The following CDC14A variants were observed in gnomAD, a reference collection of about 807,000 sequenced individuals.
CDC14A encodes dual specificity protein phosphatase CDC14A.
CDC14A carries 53 observed loss-of-function variants against 74.4 expected under a neutral mutation model. The ratio of observed to expected loss-of-function variants is 0.71; its 90% confidence interval spans 0.57 to 0.89. The LOEUF (loss-of-function observed/expected upper bound fraction) is 0.89. CDC14A is among the 40% of genes least tolerant of loss of function. The pLI is 0.00. For synonymous variants in CDC14A, 247 were observed against 258.4 expected (o/e 0.96, Z 0.43); for missense variants, 646 against 713.7 (o/e 0.91, Z 1.08).
chr1:100,457,491 C>G (rs1398630409), intron 8 of CDC14A, among the ~76,000 whole-genome samples: 1 of 152,066 alleles, frequency 6.6e-6, no homozygotes, highest in African/African-American at 2.4e-5. Context: ...CAGGCTCTTG[C>G]TTTGTTGCCC....
chr1:100,396,495 G>T (rs553802905), intron 4 of CDC14A, among the ~76,000 whole-genome samples: 1 of 152,224 alleles, frequency 6.6e-6, no homozygotes, highest in African/African-American at 2.4e-5. Context: ...GAAGTTGGAC[G>T]TAAGGTATAA....
intron 7 of CDC14A, 48 bp downstream of exon 7, chr1:100,443,044 A>C (rs1226712893): frequency 7.8e-6 from 10 of 1,286,574 alleles, no homozygotes; most frequent in Non-Finnish European, 1.0e-5. Context: ...ATGTTGATTA[A>C]TTTTTTCCCC....
At chr1:100,404,811 C>A (rs538009603) in intron 4 of CDC14A, among the ~76,000 whole-genome samples, 1 of 151,814 alleles carries the variant, frequency 6.6e-6, no homozygotes, top group African/African-American at 2.4e-5. Context: ...GCCTGGGCAA[C>A]AGAGCGAGAC....
At chr1:100,505,522 T>C (rs1205036013) in intron 15 of CDC14A, among the ~76,000 whole-genome samples, 1 of 152,210 alleles carries the variant, frequency 6.6e-6, no homozygotes. Flanking sequence ...ATCTGAGTGA[T>C]TGGCAGTGCA....
chr1:100,408,099 G>A (rs970639756), intron 4 of CDC14A, among the ~76,000 whole-genome samples: 1 of 152,038 alleles, frequency 6.6e-6, no homozygotes, highest in Non-Finnish European at 1.5e-5. Context: ...CCAAGTGTTT[G>A]TTGTTCCCCT....
At chr1:100,429,792 G>A (rs919861157) in intron 5 of CDC14A, among the ~76,000 whole-genome samples, 2 of 148,306 alleles carry the variant, frequency 1.3e-5, no homozygotes, top group African/African-American at 4.9e-5. Flanking sequence ...TATATATCAA[G>A]TAAATTTAAA....
chr1:100,497,989 C>T, intron 13 of CDC14A, 96 bp from the exon 14 acceptor site: 1 of 1,348,930 alleles, frequency 7.4e-7, no homozygotes. Context: ...GTCATGATAT[C>T]TTTAAGATTG....
chr1:100,440,758 A>G (rs140866542), intron 6 of CDC14A, among the ~76,000 whole-genome samples: 1 of 152,272 alleles, frequency 6.6e-6, no homozygotes, highest in African/African-American at 2.4e-5. Context: ...CATTTCTTGG[A>G]TGTAATATAA....
At chr1:100,439,553 A>G (rs1369973262) in intron 5 of CDC14A, among the ~76,000 whole-genome samples, 1 of 152,200 alleles carries the variant, frequency 6.6e-6, no homozygotes, top group Admixed American at 6.5e-5. Flanking sequence ...ATTTTAAAAA[A>G]CATAATCTGA....
At chr1:100,357,791 A>G (rs1436390823) in intron 2 of CDC14A, among the ~76,000 whole-genome samples, 2 of 151,516 alleles carry the variant, frequency 1.3e-5, no homozygotes, top group Non-Finnish European at 2.9e-5. Flanking sequence ...TGGCTAAATT[A>G]TCACCTTAGA....
intron 4 of CDC14A, among the ~76,000 whole-genome samples, chr1:100,405,585 T>A (rs931158519): frequency 2.0e-5 from 3 of 152,242 alleles, no homozygotes; most frequent in African/African-American, 7.2e-5. Flanking sequence ...CGTTCATGTG[T>A]GTTCTCATCG....
intron 4 of CDC14A, among the ~76,000 whole-genome samples, chr1:100,420,465 A>G (rs1030033521): frequency 5.3e-5 from 8 of 152,250 alleles, no homozygotes; most frequent in Non-Finnish European, 7.4e-5. Context: ...AGAGGATTCT[A>G]TATAACTTCT....
intron 10 of CDC14A, among the ~76,000 whole-genome samples, chr1:100,471,033 G>C (rs1465976749): frequency 6.6e-6 from 1 of 151,938 alleles, no homozygotes; most frequent in Non-Finnish European, 1.5e-5. Flanking sequence ...CCAAATGTCC[G>C]TCAACAATTT....
chr1:100,479,219 A>G (rs1287413261), intron 10 of CDC14A, among the ~76,000 whole-genome samples: 2 of 152,158 alleles, frequency 1.3e-5, no homozygotes, highest in African/African-American at 4.8e-5. Flanking sequence ...GTCTAACACT[A>G]ATGGTTTGAG....
At chr1:100,412,700 A>ATATATATATATATATATATATTT (rs1660881574) in intron 4 of CDC14A, among the ~76,000 whole-genome samples, 1 of 92,794 alleles carries the variant, frequency 1.1e-5, no homozygotes, top group Non-Finnish European at 1.8e-5. Flanking sequence ...TATGTTTTAT[A>ATATATATATATATATATATATTT]TATATATATA....
chr1:100,394,926 A>G (rs770908283), intron 4 of CDC14A, among the ~76,000 whole-genome samples: 40 of 152,214 alleles, frequency 2.6e-4, no homozygotes, highest in Admixed American at 5.2e-4. Context: ...ATTTACATAT[A>G]TTAAATGTTG....
chr1:100,393,891 C>G (rs1571050762), intron 4 of CDC14A: 1 of 237,006 alleles, frequency 4.2e-6, no homozygotes, highest in East Asian at 1.2e-4. Flanking sequence ...TGCAGTGAGC[C>G]AAGATTGCGC....
chr1:100,424,205 C>T lies in CDC14A; in HGVS notation c.310-17C>T. The T allele has an allele frequency of 6.3e-7, 1 of 1,578,374 alleles. No individual in the cohort carries two copies. The highest frequency in any genetic ancestry group is 8.7e-7 in the Non-Finnish European group (1 of 1,147,700). On this transcript the variant is annotated splice_polypyrimidine_tract_variant and intron_variant, in intron 4 of 15. Transcript: ENST00000336454. ...TCATTCTTGGGTGTTCTAAATGTTA[C>T]TATTTATCTGTCTTAGGTAATCTAT...
upstream of CDC14A, chr1:100,351,666 C>T: frequency 2.2e-6 from 3 of 1,353,648 alleles, no homozygotes; most frequent in Non-Finnish European, 3.1e-6. Flanking sequence ...CTCGCCCCGC[C>T]CCTCCGGGAC....
Sources: allele counts gnomAD v4.1 joint callset (sites outside exome capture counted in the v4.1 genomes callset), GRCh38; gene constraint gnomAD v4.1.1; transcripts MANE v1.5; gene names NCBI Gene and HGNC (gene_info 2026-07-23, HGNC 2026-07-21).